Variants in PIBF1 observed in about 807,000 individuals in gnomAD.
PIBF1 encodes progesterone immunomodulatory binding factor 1.
PIBF1 carries 90 observed loss-of-function variants against 112.5 expected under a neutral mutation model. The ratio of observed to expected loss-of-function variants is 0.80; its 90% CI spans 0.67 to 0.95. PIBF1 has a LOEUF of 0.95. Among genes scored for constraint, PIBF1 ranks in the 40% least tolerant of loss-of-function variants. The probability of loss-of-function intolerance (pLI) is 0.00; values close to 1 mark genes in which losing one functional copy is unlikely to be tolerated. For synonymous variants in PIBF1, 301 were observed against 288.6 expected, an observed-to-expected ratio of 1.04 and a Z score of -0.44; for missense variants, 915 against 852.3, an observed-to-expected ratio of 1.07 and a Z score of -0.92.
At chr13:72,864,564 T>C (rs2038845135) in intron 10 of PIBF1, among the ~76,000 whole-genome samples, 1 of 152,130 alleles carries the variant, frequency 6.6e-6, no homozygotes, top group Admixed American at 6.5e-5. Flanking sequence ...CGTGCATGTG[T>C]GTGTGTTCAT....
chr13:72,829,009 G>C (rs1338048738), intron 8 of PIBF1, among the ~76,000 whole-genome samples: 1 of 152,190 alleles, frequency 6.6e-6, no homozygotes, highest in East Asian at 1.9e-4. Context: ...TTGTGGTTTT[G>C]ATTTGCATTT....
chr13:72,873,019 C>T (rs1249852152), intron 10 of PIBF1, among the ~76,000 whole-genome samples: 14 of 152,102 alleles, frequency 9.2e-5, no homozygotes, highest in Non-Finnish European at 1.5e-5. Context: ...TCAAATTTTC[C>T]CAAACCGACT....
intron 13 of PIBF1, among the ~76,000 whole-genome samples, chr13:72,920,536 G>T (rs973686316): frequency 3.3e-5 from 5 of 152,210 alleles, no homozygotes; most frequent in African/African-American, 1.2e-4. Flanking sequence ...TATTTGTAAA[G>T]AAAGCGGTGG....
chr13:72,798,327 T>C (rs2035298648), intron 5 of PIBF1, among the ~76,000 whole-genome samples: 1 of 152,218 alleles, frequency 6.6e-6, no homozygotes, highest in Non-Finnish European at 1.5e-5. Flanking sequence ...TGTGTATCCT[T>C]AGATGACGCA....
At chr13:72,793,698 T>C (rs917707830) in intron 3 of PIBF1, among the ~76,000 whole-genome samples, 2 of 152,224 alleles carry the variant, frequency 1.3e-5, no homozygotes, top group African/African-American at 4.8e-5. Context: ...GGATTCTGAA[T>C]ATTTTTTGGA....
chr13:72,812,321 A>G (rs553076240), intron 5 of PIBF1, among the ~76,000 whole-genome samples: 1 of 152,194 alleles, frequency 6.6e-6, no homozygotes, highest in African/African-American at 2.4e-5. Flanking sequence ...ACAGATGCAT[A>G]TGATGGTTCA....
chr13:72,812,056 G>T (rs750850667), intron 5 of PIBF1, among the ~76,000 whole-genome samples: 21 of 152,054 alleles, frequency 1.4e-4, no homozygotes, highest in Non-Finnish European at 5.9e-5. Context: ...GTTTTGAGGG[G>T]CTTATTGGGT....
chr13:72,954,681 G>A (rs966584653), intron 14 of PIBF1, among the ~76,000 whole-genome samples: 11 of 152,208 alleles, frequency 7.2e-5, no homozygotes, highest in Admixed American at 2.0e-4. Context: ...TCTGGTGGCT[G>A]AGTCTCCCCA....
At chr13:72,865,266 A>T (rs764929488) in intron 10 of PIBF1, among the ~76,000 whole-genome samples, 10 of 152,148 alleles carry the variant, frequency 6.6e-5, no homozygotes, top group Non-Finnish European at 1.5e-4. Context: ...AGCTATTTTA[A>T]TGCCTGCATA....
chr13:72,887,328 A>G (rs1448756147), intron 10 of PIBF1, among the ~76,000 whole-genome samples: 2 of 152,068 alleles, frequency 1.3e-5, no homozygotes, highest in East Asian at 3.9e-4. Flanking sequence ...GTAAGTTATG[A>G]TATGGATATA....
intron 16 of PIBF1, among the ~76,000 whole-genome samples, chr13:72,985,517 G>C (rs376793392): frequency 6.6e-6 from 1 of 151,892 alleles, no homozygotes; most frequent in Admixed American, 6.5e-5. Context: ...GCACTCCAGC[G>C]TGGGCAACAG....
At chr13:72,892,598 T>C (rs2040098510) in intron 10 of PIBF1, among the ~76,000 whole-genome samples, 1 of 152,090 alleles carries the variant, frequency 6.6e-6, no homozygotes, top group Non-Finnish European at 1.5e-5. Flanking sequence ...AGTGTGTTCC[T>C]ATTAAAGAAA....
chr13:72,972,730 T>C (rs78765239), intron 15 of PIBF1, among the ~76,000 whole-genome samples: 2,286 of 152,310 alleles, frequency 0.015, 68 homozygotes, highest in African/African-American at 0.051. Flanking sequence ...ACAAATTTTG[T>C]CTTTTTTATT....
At chr13:73,015,670 T>C (rs1543695) in intron 17 of PIBF1, among the ~76,000 whole-genome samples, 199 bp from the exon 18 acceptor site, 42,408 of 152,098 alleles carry the variant, frequency 0.28, 7,331 homozygotes, top group East Asian at 0.58. Context: ...CAGTTTTTTC[T>C]ATCATATACC....
chr13:72,925,701 C>G (rs2041457984), intron 13 of PIBF1, among the ~76,000 whole-genome samples: 3 of 151,782 alleles, frequency 2.0e-5, no homozygotes, highest in African/African-American at 4.8e-5. Context: ...GCCACCACAC[C>G]CAGCTAATTT....
chr13:72,805,156 T>C (rs922308296), intron 5 of PIBF1, among the ~76,000 whole-genome samples: 1 of 152,056 alleles, frequency 6.6e-6, no homozygotes, highest in African/African-American at 2.4e-5. Context: ...GTTTGTTTGT[T>C]TTTTGAGATG....
chr13:72,899,551 G>A (rs1297960379), intron 11 of PIBF1, among the ~76,000 whole-genome samples: 2 of 152,168 alleles, frequency 1.3e-5, no homozygotes, highest in African/African-American at 4.8e-5. Flanking sequence ...AACAGCGTTA[G>A]ACAAAATCCA....
At chr13:72,836,781 C>T (rs926371927) in intron 9 of PIBF1, among the ~76,000 whole-genome samples, 4 of 151,994 alleles carry the variant, frequency 2.6e-5, no homozygotes, top group Non-Finnish European at 5.9e-5. Context: ...AGTAGAAAGT[C>T]ATAAAATGAC....
At chr13:72,927,573 G>A (rs1471714724) in intron 13 of PIBF1, among the ~76,000 whole-genome samples, 1 of 152,102 alleles carries the variant, frequency 6.6e-6, no homozygotes, top group Non-Finnish European at 1.5e-5. Flanking sequence ...TTTTAGTAGA[G>A]GTGGGGTTTT....
Sources: gnomAD v4.1 joint callset for allele counts (sites outside exome capture counted in the v4.1 genomes callset) on GRCh38, gnomAD v4.1.1 for gene constraint, MANE v1.5 for transcripts, NCBI Gene and HGNC (gene_info 2026-07-23, HGNC 2026-07-21) for gene names.